CDHR1: variants seen among roughly 807,000 people sequenced by gnomAD.
CDHR1 encodes the protein cadherin-related family member 1.
CDHR1 carries 61 observed loss-of-function variants against 72.1 expected under a neutral mutation model. That is an observed-to-expected ratio of 0.85 (90% CI 0.69 to 1.05). The LOEUF is 1.05. CDHR1 is among the 50% of genes least tolerant of loss of function. CDHR1 has a pLI of 0.00. For synonymous variants in CDHR1, 470 were observed against 448.1 expected (o/e 1.05, Z -0.62); for missense variants, 1,186 against 1,115.7 (o/e 1.06, Z -0.90).
Position 84,194,546 on chromosome 10 carries a change from T to C in CDHR1, c.-215T>C, listed in dbSNP as rs1841991956. The C allele has an allele frequency of 2.2e-6, 1 of 450,756 alleles. No individual in the cohort carries two copies. Among genetic ancestry groups the C allele is most frequent in the Non-Finnish European group, 3.9e-6 (1 of 258,736 alleles). The allele number at this position is 450,756 out of a possible 1,614,324, so 27.9% of individuals were successfully genotyped here. ...CGCTCCGCTCTGCGCCGCTAATTGG[T>C]CTCGTCAGGCGGCCGGCAGGAGCAG... is the stretch of plus-strand genomic sequence containing the variant. On this transcript the variant is annotated 5_prime_UTR_variant, in exon 1 of 17. Transcript: ENST00000623527.
At chr10:84,196,910 G>A (rs2132789121) in intron 3 of CDHR1, among the ~76,000 whole-genome samples, 1 of 152,306 alleles carries the variant, frequency 6.6e-6, no homozygotes, top group South Asian at 2.1e-4. Flanking sequence ...AATCTTTTAA[G>A]CATGTTCCAT....
chr10:84,208,678 G>C (rs769290585), intron 11 of CDHR1, 51 bp from the exon 12 acceptor site: 2 of 1,568,876 alleles, frequency 1.3e-6, no homozygotes, highest in Non-Finnish European at 1.8e-6. Context: ...GTATGATTAT[G>C]AATTTCTATC....
intron 3 of CDHR1, among the ~76,000 whole-genome samples, chr10:84,197,071 C>T (rs1842043055): frequency 6.6e-6 from 1 of 151,920 alleles, no homozygotes; most frequent in South Asian, 2.1e-4. Context: ...AGAGCTCCTC[C>T]ACTCTACACA....
intron 12 of CDHR1, among the ~76,000 whole-genome samples, chr10:84,210,387 T>C (rs1184742195): frequency 2.0e-5 from 3 of 152,118 alleles, no homozygotes; most frequent in African/African-American, 7.2e-5. Flanking sequence ...TGCCTCAGCC[T>C]CCCGAGTAGC....
Position 84,196,553 on chromosome 10 carries a change from T to A in CDHR1, c.200T>A (p.Ile67Asn). Residue 67 changes from isoleucine (I) to asparagine (N), a missense_variant, in exon 3 of 17, where the codon ATC (isoleucine) becomes AAC (asparagine). Ile to Asn is a moderately radical substitution (Grantham distance 149, BLOSUM62 -3). Transcript: ENST00000623527. ...LNGTDPEGDP[I>N]SYHISFDPST... ...GGGACAGACCCTGAGGGAGACCCCATCTCCTACCACATCAGCTTTGACCCC... is the reference window on the plus strand; with the variant it reads ...GGGACAGACCCTGAGGGAGACCCCAACTCCTACCACATCAGCTTTGACCCC... 6.2e-7 allele frequency: 1 copy of A among 1,614,204 alleles called. No homozygotes were observed. The highest frequency in any genetic ancestry group is 8.5e-7 in the Non-Finnish European group (1 of 1,180,032).
intron 11 of CDHR1, 36 bp downstream of exon 11, chr10:84,208,413 A>G: frequency 6.2e-7 from 1 of 1,605,536 alleles, no homozygotes; most frequent in Non-Finnish European, 8.5e-7. Flanking sequence ...CCTTCTCACA[A>G]ACGGTATGAA....
chr10:84,202,938 C>A (rs749348247), intron 7 of CDHR1, 42 bp from the exon 8 acceptor site: 4 of 1,613,458 alleles, frequency 2.5e-6, no homozygotes, highest in Admixed American at 1.7e-5. Context: ...TTCCACATCT[C>A]AACTTGTCTT....
chr10:84,208,376 A>G lies in CDHR1; in HGVS notation c.1166A>G (p.Gln389Arg). The G allele has an allele frequency of 6.2e-7, 1 of 1,614,110 alleles. No individual in the cohort carries two copies. The highest frequency in any genetic ancestry group is 8.5e-7 in the Non-Finnish European group (1 of 1,179,998). Residue 389 changes from glutamine (Q) to arginine (R), a missense_variant and splice_region_variant, in exon 11 of 17, where the codon CAG (glutamine) becomes CGG (arginine). Transcript: ENST00000623527. ...GLKITVNDSD[Q>R]GANAKFNLQL... ...AAGATCACCGTCAATGACTCCGACC[A>G]GGTGTGTGGTCCTGCCCTCCGCTCT...
chr10:84,194,660 C>A lies in CDHR1; in HGVS notation c.-101C>A. 1 of 852,244 alleles carries A rather than the reference C, an allele frequency of 1.2e-6. No homozygotes were observed. The highest frequency in any genetic ancestry group is 1.6e-6 in the Non-Finnish European group (1 of 613,838). 52.8% of individuals were successfully genotyped at this position (852,244 alleles called of 1,614,324 possible). ...CCCGCCGCGGCTGCAGTCGCCGCTA[C>A]CCCCATTGTGGTCTCTGCCCTCCCC... On this transcript the variant is annotated 5_prime_UTR_variant, in exon 1 of 17. Coordinates refer to ENST00000623527, the MANE Select transcript of CDHR1 (RefSeq NM_033100.4).
rs1842408515 is a variant in CDHR1 at position 84,215,242 on chromosome 10, G to A, written c.*621G>A. 1 of 992,204 alleles carries A rather than the reference G, an allele frequency of 1.0e-6. No homozygotes were observed. The highest frequency in any genetic ancestry group is 5.7e-5 in the Admixed American group (1 of 17,656). The allele number at this position is 992,204 out of a possible 1,614,324, so 61.5% of individuals were successfully genotyped here. ...AGATAGAGCATTCTGTCTGGGCAGA[G>A]ACTGTGGACCCTGGTATGCCCACGT... On this transcript the variant is annotated 3_prime_UTR_variant, in exon 17 of 17. Transcript: ENST00000623527.
In CDHR1 at chr10:84,216,037, C is replaced by A; in HGVS notation, c.*1416C>A. On this transcript the variant is annotated 3_prime_UTR_variant, in exon 17 of 17. Coordinates refer to ENST00000623527, the MANE Select transcript of CDHR1 (RefSeq NM_033100.4). Reference sequence around the variant, plus strand: ...GGCAGCCCTTATCAGCTTGTGACAACCTTCCCCAGGACAGAAGTCATACAA... The same window carrying A: ...GGCAGCCCTTATCAGCTTGTGACAAACTTCCCCAGGACAGAAGTCATACAA... The A allele has an allele frequency of 4.1e-6, 4 of 985,448 alleles. No individual in the cohort carries two copies. Among genetic ancestry groups the A allele is most frequent in the Non-Finnish European group, 4.8e-6 (4 of 829,948 alleles). 61.0% of individuals were successfully genotyped at this position (985,448 alleles called of 1,614,324 possible).
intron 14 of CDHR1, 37 bp from the exon 15 acceptor site, chr10:84,212,142 T>G: frequency 6.5e-7 from 1 of 1,537,032 alleles, no homozygotes; most frequent in East Asian, 2.2e-5. Context: ...TATGTGTATA[T>G]GCGTGCACAC....
rs1329105702 is a variant in CDHR1 at position 84,216,168 on chromosome 10, T to C, written c.*1547T>C. ...GAGAAAAGTAGAACAGTTCTTTGCATTTGGCTCTACTTACTAACAACCCCT... is the reference window on the plus strand; with the variant it reads ...GAGAAAAGTAGAACAGTTCTTTGCACTTGGCTCTACTTACTAACAACCCCT... On this transcript the variant is annotated 3_prime_UTR_variant, in exon 17 of 17. Coordinates refer to ENST00000623527, the MANE Select transcript of CDHR1 (RefSeq NM_033100.4). 3.0e-6 allele frequency: 3 copies of C among 985,350 alleles called. No homozygotes were observed. The highest frequency in any genetic ancestry group is 3.6e-6 in the Non-Finnish European group (3 of 829,950). 61.0% of individuals were successfully genotyped at this position (985,350 alleles called of 1,614,324 possible).
At position 84,212,184 on chromosome 10, in the gene CDHR1, T is replaced by C. The variant is rs529771495; in HGVS notation, c.1559T>C (p.Leu520Pro). 10 of 1,614,106 alleles carry C rather than the reference T, an allele frequency of 6.2e-6. No homozygotes were observed. In the South Asian group the frequency reaches 9.9e-5, roughly 16 times the overall value. Residue 520 changes from leucine to proline, a missense_variant, in exon 15 of 17, where the codon CTG (leucine) becomes CCG (proline). By Grantham distance (98) the Leu-to-Pro change is moderately conservative. Transcript: ENST00000623527. ...STYGTGADLF[L>P]IHPSTGLIYT... ...CTATGTGCTCTGCCTGGCAGCTTCC[T>C]GATCCACCCATCCACTGGGCTTATC...
intron 14 of CDHR1, 66 bp downstream of exon 14, chr10:84,211,781 G>T: frequency 1.4e-6 from 2 of 1,402,818 alleles, no homozygotes; most frequent in Non-Finnish European, 2.0e-6. Flanking sequence ...GGGTGGAGGA[G>T]GTCTGTGGCA....
At chr10:84,200,137 T>C (rs1842096844) in intron 5 of CDHR1, among the ~76,000 whole-genome samples, 1 of 148,452 alleles carries the variant, frequency 6.7e-6, no homozygotes, top group South Asian at 2.1e-4. Flanking sequence ...GCCATTGCAC[T>C]CCAACCTGGA....
chr10:84,203,487 T>C (rs548947119), intron 8 of CDHR1, among the ~76,000 whole-genome samples: 29 of 152,278 alleles, frequency 1.9e-4, no homozygotes, highest in African/African-American at 6.0e-4. Context: ...CGATCTGGGC[T>C]CACTGCAACC....
intron 10 of CDHR1, among the ~76,000 whole-genome samples, chr10:84,206,846 G>A (rs1433603959): frequency 1.3e-5 from 2 of 152,212 alleles, no homozygotes; most frequent in Non-Finnish European, 2.9e-5. Context: ...TAGAGCCATC[G>A]GCCAAAGTAA....
At chr10:84,202,710 G>A (rs1236861981) in intron 7 of CDHR1, among the ~76,000 whole-genome samples, 1 of 152,160 alleles carries the variant, frequency 6.6e-6, no homozygotes, top group African/African-American at 2.4e-5. Flanking sequence ...GGGGAATTTA[G>A]CTCTGAATGC....
Sources: gnomAD v4.1 joint callset for allele counts (sites outside exome capture counted in the v4.1 genomes callset) on GRCh38, gnomAD v4.1.1 for gene constraint, MANE v1.5 for transcripts, NCBI Gene and HGNC (gene_info 2026-07-23, HGNC 2026-07-21) for gene names.